TBC1D5: variants seen among roughly 807,000 people sequenced by gnomAD.
TBC1D5 encodes the protein TBC1 domain family, member 5.
TBC1D5 carries 75 observed loss-of-function variants against 100.3 expected under a neutral mutation model. The observed-to-expected ratio is 0.75, with a 90% CI of 0.62 to 0.91. The LOEUF is 0.91. Ranked by LOEUF, TBC1D5 falls within the 40% of genes least tolerant of loss-of-function variation. The pLI is 0.00. For missense variants in TBC1D5, 910 were observed against 942.4 expected, an observed-to-expected ratio of 0.97 and a Z score of 0.45; for synonymous variants, 323 against 325.6, an observed-to-expected ratio of 0.99 and a Z score of 0.09.
chr3:17,559,779 C>T (rs139790581), intron 2 of TBC1D5, among the ~76,000 whole-genome samples: 9 of 151,198 alleles, frequency 6.0e-5, no homozygotes, highest in African/African-American at 7.3e-5. Flanking sequence ...TTAGTACAGA[C>T]GGGGTTTCAC....
rs6786988 is a variant in TBC1D5, at chr3:17,498,384, A to G, written c.97+10090T>C. Among the ~76,000 whole-genome samples, 1,072 of 152,308 alleles carry G rather than the reference A, an allele frequency of 7.0e-3. 8 individuals are homozygous for G. Among genetic ancestry groups the G allele is most frequent in the African/African-American group, 0.024 (1,008 of 41,576 alleles). On this transcript the variant is annotated intron_variant, in intron 3 of 21. Transcript: ENST00000253692. The stretch of plus-strand genomic sequence containing the variant: ...TTTATTTTCAATTCTCATAGAATGC[A>G]AAGTTAAGAACAAAAAATATTTGAG...
chr3:17,718,899 T>C (rs1393958276), intron 1 of TBC1D5, among the ~76,000 whole-genome samples: 3 of 152,010 alleles, frequency 2.0e-5, no homozygotes, highest in African/African-American at 7.3e-5. Context: ...TTTGCTATAG[T>C]TATTCAACTG....
At chr3:17,604,309 C>A (rs2061194595) in intron 2 of TBC1D5, among the ~76,000 whole-genome samples, 1 of 152,142 alleles carries the variant, frequency 6.6e-6, no homozygotes, top group African/African-American at 2.4e-5. Context: ...ACTCATCACT[C>A]TTAACAGAAG....
intron 3 of TBC1D5, among the ~76,000 whole-genome samples, chr3:17,468,703 A>C (rs2095338162): frequency 6.6e-6 from 1 of 152,218 alleles, no homozygotes; most frequent in South Asian, 2.1e-4. Context: ...CAGAATGATG[A>C]ATATAGGCTG....
intron 2 of TBC1D5, among the ~76,000 whole-genome samples, chr3:17,538,211 C>T (rs554245643): frequency 3.3e-5 from 5 of 152,102 alleles, no homozygotes; most frequent in Non-Finnish European, 5.9e-5. Flanking sequence ...GTTAAACTGT[C>T]TCTCTAAAAT....
chr3:17,688,741 T>C (rs906476907), intron 1 of TBC1D5, among the ~76,000 whole-genome samples: 3 of 152,214 alleles, frequency 2.0e-5, no homozygotes, highest in Non-Finnish European at 4.4e-5. Flanking sequence ...CCTAACAATG[T>C]ACCCCGACAT....
intron 13 of TBC1D5, among the ~76,000 whole-genome samples, chr3:17,329,487 G>A (rs1301830638): frequency 1.3e-5 from 2 of 151,694 alleles, no homozygotes; most frequent in East Asian, 1.9e-4. Context: ...GTAACTATTG[G>A]TGGAAACACA....
At chr3:17,688,774 T>C (rs1057369448) in intron 1 of TBC1D5, among the ~76,000 whole-genome samples, 4 of 152,226 alleles carry the variant, frequency 2.6e-5, no homozygotes, top group African/African-American at 9.6e-5. Context: ...GCTCATCTCA[T>C]TCTGTGGAAC....
At chr3:17,408,732 A>G (rs2093842150) in intron 4 of TBC1D5, among the ~76,000 whole-genome samples, 1 of 152,134 alleles carries the variant, frequency 6.6e-6, no homozygotes, top group African/African-American at 2.4e-5. Flanking sequence ...TTCATCAGCC[A>G]ATTTTTTAAC....
At chr3:17,502,755 T>C (rs998613644) in intron 3 of TBC1D5, among the ~76,000 whole-genome samples, 2 of 149,414 alleles carry the variant, frequency 1.3e-5, no homozygotes, top group Non-Finnish European at 2.9e-5. Flanking sequence ...TACAAAATTC[T>C]TTCTCTAGAT....
chr3:17,335,355 G>T (rs747565213), intron 13 of TBC1D5, among the ~76,000 whole-genome samples: 1 of 152,050 alleles, frequency 6.6e-6, no homozygotes, highest in African/African-American at 2.4e-5. Context: ...TGACACCTTT[G>T]CATTGCTACT....
intron 3 of TBC1D5, among the ~76,000 whole-genome samples, chr3:17,463,654 TGAA>T (rs2095252749): frequency 6.6e-6 from 1 of 152,198 alleles, no homozygotes; most frequent in Non-Finnish European, 1.5e-5. Flanking sequence ...AAATTTTAAA[TGAA>T]GACAAAATTT....
chr3:17,438,238 G>A (rs1177616919), intron 3 of TBC1D5, among the ~76,000 whole-genome samples: 1 of 152,192 alleles, frequency 6.6e-6, no homozygotes, highest in African/African-American at 2.4e-5. Context: ...TTTCAGAAGA[G>A]CTTGCTAAGA....
At chr3:17,319,531 C>T (rs1341634470) in intron 13 of TBC1D5, among the ~76,000 whole-genome samples, 1 of 151,938 alleles carries the variant, frequency 6.6e-6, no homozygotes, top group Admixed American at 6.6e-5. Context: ...AAATCCCTTC[C>T]CCAACAGCAA....
intron 17 of TBC1D5, among the ~76,000 whole-genome samples, chr3:17,232,174 C>T (rs2075480666): frequency 6.6e-6 from 1 of 152,136 alleles, no homozygotes; most frequent in Admixed American, 6.6e-5. Flanking sequence ...ACTCCTGTGG[C>T]TCTGGTTTGT....
chr3:17,462,414 C>A (rs930852083), intron 3 of TBC1D5, among the ~76,000 whole-genome samples: 1 of 151,426 alleles, frequency 6.6e-6, no homozygotes, highest in Non-Finnish European at 1.5e-5. Context: ...CTCAAACTCC[C>A]AGGCTCAAGA....
At chr3:17,260,573 A>G (rs2078187529) in intron 15 of TBC1D5, among the ~76,000 whole-genome samples, 2 of 152,228 alleles carry the variant, frequency 1.3e-5, no homozygotes, top group Non-Finnish European at 2.9e-5. Context: ...GAATCAAAAG[A>G]TGATGTTGAA....
chr3:17,648,979 A>G (rs1299333003), intron 1 of TBC1D5, among the ~76,000 whole-genome samples: 1 of 152,228 alleles, frequency 6.6e-6, no homozygotes, highest in Non-Finnish European at 1.5e-5. Flanking sequence ...ATTACTGGGT[A>G]TATACCCAGA....
rs531035659 is a variant in TBC1D5 at position 17,578,532 on chromosome 3, A to G, written c.-36+45317T>C. 2.0e-5 allele frequency among the ~76,000 whole-genome samples: 3 copies of G among 152,220 alleles called. No individual in the cohort carries two copies. In the East Asian group the frequency reaches 5.8e-4, roughly 29 times the overall value. On this transcript the variant is annotated intron_variant, in intron 2 of 21. Coordinates refer to ENST00000253692, the Ensembl canonical transcript of TBC1D5. ...GGTGACTTCAATGGGAAATTAGATT[A>G]ACACATAAGACATAGTGAAAGCACA...
Sources: gnomAD v4.1 joint callset for allele counts (sites outside exome capture counted in the v4.1 genomes callset) on GRCh38, gnomAD v4.1.1 for gene constraint, MANE v1.5 for transcripts, NCBI Gene and HGNC (gene_info 2026-07-23, HGNC 2026-07-21) for gene names.